CD36: variants seen among roughly 807,000 people sequenced by gnomAD.
CD36 encodes the protein CD36 molecule (CD36 blood group).
In CD36, 119 loss-of-function variants were observed where a neutral mutation model predicts 55.2. That is an observed-to-expected ratio of 2.15 (90% CI 1.86 to 2.51). CD36 has a LOEUF of 2.51. Among genes scored for constraint, CD36 ranks in the 30% most tolerant of loss-of-function variants. The pLI, the probability that CD36 is intolerant of heterozygous loss-of-function variation, is 0.00. For synonymous variants in CD36, 186 were observed against 193.6 expected (o/e 0.96, Z 0.33); for missense variants, 819 against 555.5 (o/e 1.47, Z -4.77).
Position 80,677,452 on chromosome 7 carries a change from C to T in CD36, c.*1069C>T, listed in dbSNP as rs962577072. On this transcript the variant is annotated 3_prime_UTR_variant, in exon 15 of 15. Transcript: ENST00000447544. ...ACTAAAATCGAAAATAACTTTTAGC[C>T]TCCTCCTTATGATAGCCGCCAGAGT... is the stretch of plus-strand genomic sequence containing the variant. 10 of 152,172 alleles carry T rather than the reference C, an allele frequency of 6.6e-5. No individual in the cohort carries two copies. The highest frequency in any genetic ancestry group is 2.2e-4 in the African/African-American group (9 of 41,536). The allele number at this position is 152,172 out of a possible 1,614,324, so 9.4% of individuals were successfully genotyped here. A position where few individuals can be genotyped will look rare whatever the true frequency, so the allele number is the denominator to read the frequency against.
chr7:80,639,802 C>G (rs926484285), intron 1 of CD36: 1 of 151,832 alleles, frequency 6.6e-6, no homozygotes, highest in African/African-American at 2.4e-5. Context: ...TTGGAATTTA[C>G]AAGAAAATAA....
chr7:80,642,607 T>G (rs536576372), intron 1 of CD36, among the ~76,000 whole-genome samples: 2 of 152,214 alleles, frequency 1.3e-5, no homozygotes, highest in African/African-American at 4.8e-5. Context: ...AGTATGATTA[T>G]AATAACAATA....
intron 1 of CD36, chr7:80,624,139 T>A (rs2366855): frequency 0.45 from 69,113 of 152,054 alleles, 16,727 homozygotes; most frequent in Non-Finnish European, 0.54. Context: ...ACTAGCATTC[T>A]GAAAGTGCAT....
In CD36 at chr7:80,670,980, A is replaced by C. The variant is rs770448025; in HGVS notation, c.822A>C (p.Ser274=). ...GCTCTTTTTTCTCTGTATTTAGGTC[A>C]ATCTATGCTGTATTTGAATCCGACG... ...LQFFSSDICR[S]IYAVFESDVN... The change falls in exon 10 of 15, where the codon TCA becomes TCC. Residue 274 remains serine (S), a synonymous_variant. Transcript: ENST00000447544. 2 of 1,610,660 alleles carry C rather than the reference A, an allele frequency of 1.2e-6. No homozygotes were observed. Among genetic ancestry groups the C allele is most frequent in the South Asian group, 2.2e-5 (2 of 90,968 alleles).
intron 8 of CD36, among the ~76,000 whole-genome samples, chr7:80,667,576 A>G (rs556684829): frequency 2.0e-5 from 3 of 152,172 alleles, no homozygotes; most frequent in African/African-American, 7.2e-5. Flanking sequence ...TAACAAAGAT[A>G]AAGACACTTA....
At chr7:80,641,900 T>C (rs1794840615) in intron 1 of CD36, among the ~76,000 whole-genome samples, 1 of 151,840 alleles carries the variant, frequency 6.6e-6, no homozygotes, top group South Asian at 2.1e-4. Context: ...GGAGGGTATT[T>C]TGCTTAAAAG....
chr7:80,649,693 G>T (rs1795453326), intron 3 of CD36, among the ~76,000 whole-genome samples: 1 of 151,996 alleles, frequency 6.6e-6, no homozygotes, highest in Non-Finnish European at 1.5e-5. Context: ...AGTTCAAATA[G>T]ATTTGATCAT....
At chr7:80,648,540 C>T (rs1795351652) in intron 3 of CD36, among the ~76,000 whole-genome samples, 1 of 151,716 alleles carries the variant, frequency 6.6e-6, no homozygotes, top group African/African-American at 2.4e-5. Flanking sequence ...TATCTTTATG[C>T]TTATAATAGT....
At chr7:80,664,955 C>T (rs779643689) in intron 7 of CD36, among the ~76,000 whole-genome samples, 44 of 151,534 alleles carry the variant, frequency 2.9e-4, no homozygotes, top group Non-Finnish European at 3.1e-4. Context: ...AGTGGCATGA[C>T]CTAAATGTGT....
rs1011950293 is a variant in CD36, at chr7:80,664,568, A to C, written c.701+71A>C. 8.1e-6 allele frequency: 7 copies of C among 867,000 alleles called. No individual in the cohort carries two copies. The African/African-American group carries it at 1.2e-4, about 14-fold the overall frequency. The allele number at this position is 867,000 out of a possible 1,614,324, so 53.7% of individuals were successfully genotyped here. On this transcript the variant is annotated intron_variant, in intron 7 of 14. Transcript: ENST00000447544. Reference sequence around the variant, plus strand: ...TAAGCAGGAATAGTATTCATTTAACATCTCATAAGACATAGGCATCAACCT... The same window carrying C: ...TAAGCAGGAATAGTATTCATTTAACCTCTCATAAGACATAGGCATCAACCT...
upstream of CD36, among the ~76,000 whole-genome samples, chr7:80,637,244 C>A (rs1794481783): frequency 1.3e-5 from 2 of 151,924 alleles, 1 homozygote; most frequent in South Asian, 4.1e-4. Flanking sequence ...AAACAGCTAT[C>A]TACAAAATAG....
At chr7:80,623,421 G>A (rs139392752) in intron 1 of CD36, among the ~76,000 whole-genome samples, 4 of 152,258 alleles carry the variant, frequency 2.6e-5, no homozygotes, top group Non-Finnish European at 5.9e-5. Context: ...GTATGAGGAT[G>A]TATGTCATCA....
intron 3 of CD36, 75 bp downstream of exon 3, chr7:80,646,935 T>G (rs1795213907): frequency 1.3e-6 from 2 of 1,516,588 alleles, no homozygotes; most frequent in South Asian, 2.3e-5. Context: ...TGTATTTACC[T>G]GCTTTATATT....
rs752489479 is a variant in CD36 at position 80,666,448 on chromosome 7, T to C, written c.707T>C (p.Leu236Pro). 1.3e-6 allele frequency: 2 copies of C among 1,598,528 alleles called. No homozygotes were observed. Among genetic ancestry groups the C allele is most frequent in the East Asian group, 2.2e-5 (1 of 44,762 alleles). Residue 236 changes from leucine (L) to proline (P), a missense_variant, in exon 8 of 15, where the codon CTG becomes CCG. Physicochemically the swap from Leu to Pro is moderately conservative, Grantham distance 98. Coordinates refer to ENST00000447544, the MANE Select transcript of CD36 (RefSeq NM_001001548.3). ...TTGTCTTTTTCTATTCCTAGGAATC[T>C]GTCCTATTGGGAAAGTCACTGCGAC... ...IIDTYKGKRN[L>P]SYWESHCDMI...
chr7:80,626,642 T>G (rs1014527015), intron 1 of CD36, among the ~76,000 whole-genome samples: 2 of 152,132 alleles, frequency 1.3e-5, no homozygotes, highest in Non-Finnish European at 1.5e-5. Flanking sequence ...AATTGTAAGA[T>G]TTTACAGTAT....
At chr7:80,607,657 A>G (rs1345211254) in intron 1 of CD36, among the ~76,000 whole-genome samples, 3 of 152,138 alleles carry the variant, frequency 2.0e-5, no homozygotes, top group East Asian at 3.9e-4. Flanking sequence ...AATGTTGAGG[A>G]GACCCCAATC....
rs779394558 is a variant in CD36, at chr7:80,674,092, T to A, written c.1364T>A (p.Met455Lys). 2 of 1,612,502 alleles carry A rather than the reference T, an allele frequency of 1.2e-6. No homozygotes were observed. The highest frequency in any genetic ancestry group is 2.2e-5 in the South Asian group (2 of 91,028). The change falls in exon 14 of 15, where the codon ATG (methionine) becomes AAG (lysine). Residue 455 changes from methionine to lysine, a missense_variant. Transcript: ENST00000447544. ...EMILLSVGVV[M>K]FVAFMISYCA... Reference sequence around the variant, plus strand: ...ATCTTACTCAGTGTTGGTGTGGTGATGTTTGTTGCTTTTATGATTTCATAT... The same window carrying A: ...ATCTTACTCAGTGTTGGTGTGGTGAAGTTTGTTGCTTTTATGATTTCATAT...
chr7:80,673,542 A>T, intron 13 of CD36, 133 bp downstream of exon 13: 1 of 681,360 alleles, frequency 1.5e-6, no homozygotes. Flanking sequence ...GTATACATTT[A>T]TTTAACCTAT....
chr7:80,628,337 C>T (rs903792677), intron 1 of CD36, among the ~76,000 whole-genome samples: 1 of 151,952 alleles, frequency 6.6e-6, no homozygotes, highest in Non-Finnish European at 1.5e-5. Context: ...TACTCTCTTG[C>T]TACTTATGAA....
Sources: gnomAD v4.1 joint callset for allele counts (sites outside exome capture counted in the v4.1 genomes callset) on GRCh38, gnomAD v4.1.1 for gene constraint, MANE v1.5 for transcripts, NCBI Gene and HGNC (gene_info 2026-07-23, HGNC 2026-07-21) for gene names.